Variants in UBE2E2 observed in about 807,000 individuals in gnomAD.
UBE2E2 encodes the protein ubiquitin conjugating enzyme E2 E2.
UBE2E2 carries 6 observed loss-of-function variants against 24.7 expected under a neutral mutation model. The observed-to-expected ratio is 0.24, with a 90% confidence interval of 0.13 to 0.48. The LOEUF (loss-of-function observed/expected upper bound fraction) is 0.48, where lower values mean the gene tolerates loss of function less well. UBE2E2 is among the 20% of genes least tolerant of loss of function. UBE2E2 has a pLI of 0.99. For missense variants in UBE2E2, 169 were observed against 245.0 expected (o/e 0.69, Z 2.07); for synonymous variants, 104 against 83.6 (o/e 1.24, Z -1.33).
intron 4 of UBE2E2, among the ~76,000 whole-genome samples, chr3:23,528,821 G>A (rs1012544213): frequency 6.6e-6 from 1 of 152,134 alleles, no homozygotes; most frequent in African/African-American, 2.4e-5. Flanking sequence ...CCTCCTGTCT[G>A]TTCATATCTA....
At chr3:23,256,072 C>T (rs2125349801) in intron 3 of UBE2E2, among the ~76,000 whole-genome samples, 1 of 152,290 alleles carries the variant, frequency 6.6e-6, no homozygotes, top group African/African-American at 2.4e-5. Flanking sequence ...CACTGTGCTG[C>T]CTATCATAGA....
chr3:23,589,942 A>G lies in UBE2E2; in HGVS notation c.*111A>G. 1 of 991,528 alleles carries G rather than the reference A, an allele frequency of 1.0e-6. No individual in the cohort carries two copies. The highest frequency in any genetic ancestry group is 2.7e-5 in the East Asian group (1 of 37,420). The allele number at this position is 991,528 out of a possible 1,614,324, so 61.4% of individuals were successfully genotyped here. Reference sequence around the variant, plus strand: ...GTTCTTATTTTCCTATTTTTATTAAATTTGGAACCATTTTGTGATGGTATG... The same window carrying G: ...GTTCTTATTTTCCTATTTTTATTAAGTTTGGAACCATTTTGTGATGGTATG... On this transcript the variant is annotated 3_prime_UTR_variant, in exon 6 of 6. Coordinates refer to ENST00000396703, the MANE Select transcript of UBE2E2 (RefSeq NM_152653.4). This position sits in a 1 kb window ranked among gnomAD's most constrained non-coding sequence, Gnocchi z 4.1.
chr3:23,342,201 T>C (rs1013058102), intron 3 of UBE2E2, among the ~76,000 whole-genome samples: 5 of 151,888 alleles, frequency 3.3e-5, no homozygotes, highest in African/African-American at 9.7e-5. Context: ...TTTTTTTTTT[T>C]TGAGACAGGG....
intron 3 of UBE2E2, among the ~76,000 whole-genome samples, chr3:23,368,928 T>C (rs1696329988): frequency 6.6e-6 from 1 of 152,238 alleles, no homozygotes; most frequent in Non-Finnish European, 1.5e-5. Flanking sequence ...ATTGCAGTTA[T>C]TTTACAGTGT....
chr3:23,545,823 T>C (rs1227140213), intron 5 of UBE2E2, among the ~76,000 whole-genome samples: 2 of 152,318 alleles, frequency 1.3e-5, no homozygotes, highest in East Asian at 3.9e-4. Flanking sequence ...CATGGAATAC[T>C]ACTCAGCCAT....
intron 3 of UBE2E2, among the ~76,000 whole-genome samples, chr3:23,335,227 T>C (rs2125304815): frequency 6.6e-6 from 1 of 152,262 alleles, no homozygotes; most frequent in South Asian, 2.1e-4. Flanking sequence ...TTAGTGCTGG[T>C]CAATTCTGAT....
chr3:23,534,327 TAG>T, intron 5 of UBE2E2: 1 of 831,342 alleles, frequency 1.2e-6, no homozygotes, highest in Non-Finnish European at 1.4e-6. Flanking sequence ...TTCAGTGAAC[TAG>T]TTTTTTTTTT....
chr3:23,284,747 T>C (rs1377240860), intron 3 of UBE2E2, among the ~76,000 whole-genome samples: 1 of 151,692 alleles, frequency 6.6e-6, no homozygotes, highest in African/African-American at 2.4e-5. Context: ...ATGTATAAGA[T>C]ATAGGTACAC....
At chr3:23,470,688 G>A (rs915597949) in intron 3 of UBE2E2, among the ~76,000 whole-genome samples, 10 of 152,148 alleles carry the variant, frequency 6.6e-5, no homozygotes, top group African/African-American at 2.2e-4. Flanking sequence ...TCTTCTGGCA[G>A]CAGATAGTAA....
intron 3 of UBE2E2, among the ~76,000 whole-genome samples, chr3:23,458,393 G>GGTGGTGGTGGTGGTC (rs1173431580): frequency 2.2e-5 from 3 of 137,718 alleles, no homozygotes; most frequent in African/African-American, 7.9e-5. Flanking sequence ...AGAGATCGCT[G>GGTGGTGGTGGTGGTC]GTGGTGGTGG....
intron 2 of UBE2E2, among the ~76,000 whole-genome samples, chr3:23,212,374 G>T (rs1449994319): frequency 5.9e-5 from 9 of 152,096 alleles, no homozygotes; most frequent in Non-Finnish European, 1.3e-4. Flanking sequence ...CAAGTCTGTT[G>T]TTGGACTATA....
chr3:23,418,929 T>C (rs1182126207), intron 3 of UBE2E2, among the ~76,000 whole-genome samples: 1 of 151,342 alleles, frequency 6.6e-6, no homozygotes, highest in Non-Finnish European at 1.5e-5. Flanking sequence ...TGTTCCAGTC[T>C]TTCTGATTTT....
intron 3 of UBE2E2, among the ~76,000 whole-genome samples, chr3:23,330,832 G>C (rs1006005180): frequency 6.6e-5 from 10 of 152,122 alleles, no homozygotes; most frequent in African/African-American, 2.4e-4. Context: ...AGCATATTTA[G>C]TCTTCCTTAA....
intron 3 of UBE2E2, among the ~76,000 whole-genome samples, chr3:23,294,637 A>G (rs1177683613): frequency 6.8e-6 from 1 of 146,820 alleles, no homozygotes; most frequent in East Asian, 1.9e-4. Flanking sequence ...ATATTTTTGT[A>G]TCTTTAGATT....
chr3:23,339,429 C>T (rs1181207129), intron 3 of UBE2E2, among the ~76,000 whole-genome samples: 1 of 151,878 alleles, frequency 6.6e-6, no homozygotes, highest in African/African-American at 2.4e-5. Flanking sequence ...GTATTAGTTT[C>T]CTGATTTAGA....
intron 3 of UBE2E2, among the ~76,000 whole-genome samples, chr3:23,292,492 G>A: frequency 6.6e-6 from 1 of 152,052 alleles, no homozygotes; most frequent in Non-Finnish European, 1.5e-5. Flanking sequence ...TAGGGCCCAA[G>A]GCTTGCTCTC....
intron 3 of UBE2E2, among the ~76,000 whole-genome samples, chr3:23,283,446 G>A (rs1348193996): frequency 6.6e-6 from 1 of 152,116 alleles, no homozygotes; most frequent in African/African-American, 2.4e-5. Context: ...TAGGTCGGTG[G>A]TTCTCTGACC....
chr3:23,447,402 CAATT>C (rs1191749661), intron 3 of UBE2E2, among the ~76,000 whole-genome samples: 1 of 152,160 alleles, frequency 6.6e-6, no homozygotes, highest in Non-Finnish European at 1.5e-5. Context: ...TTTCTGATAT[CAATT>C]ACTTTGGGAC....
chr3:23,549,747 T>A (rs2125497787), intron 5 of UBE2E2, among the ~76,000 whole-genome samples: 1 of 152,208 alleles, frequency 6.6e-6, no homozygotes, highest in Middle Eastern at 3.4e-3. Context: ...AAAAAAGGAA[T>A]TTCAACCGGG....
Sources: allele counts gnomAD v4.1 joint callset (sites outside exome capture counted in the v4.1 genomes callset), GRCh38; gene constraint gnomAD v4.1.1; non-coding constraint Gnocchi (gnomAD v3.1); transcripts MANE v1.5; gene names NCBI Gene and HGNC (gene_info 2026-07-23, HGNC 2026-07-21).